CAPZA2: variants seen among roughly 807,000 people sequenced by gnomAD.
The protein encoded by CAPZA2 is capping actin protein of muscle Z-line subunit alpha 2, also known as F-actin-capping protein subunit alpha-2.
Under a neutral mutation model 44.0 loss-of-function variants are expected in CAPZA2, and 13 were observed. That is an observed-to-expected ratio of 0.30 (90% CI 0.19 to 0.47). The LOEUF (loss-of-function observed/expected upper bound fraction) is 0.47, where lower values mean the gene tolerates loss of function less well. Among genes scored for constraint, CAPZA2 ranks in the 20% least tolerant of loss-of-function variants. The probability of loss-of-function intolerance (pLI) is 1.00; values close to 1 mark genes in which losing one functional copy is unlikely to be tolerated. For synonymous variants in CAPZA2, 94 were observed against 108.2 expected, an observed-to-expected ratio of 0.87 and a Z score of 0.81; for missense variants, 244 against 338.6, an observed-to-expected ratio of 0.72 and a Z score of 2.19.
rs1266469983 is a variant in CAPZA2 at position 116,917,763 on chromosome 7, A to G, written c.757A>G (p.Thr253Ala). Residue 253 changes from threonine to alanine, a missense_variant, in exon 10 of 10, where the codon ACT becomes GCT. Transcript: ENST00000361183. ...TGAGAATTATCAGACAATGTCGGAC[A>G]CTACTTTCAAAGCCTTACGTCGACA... ...ISENYQTMSDTTFKALRRQLP... is the reference protein window; with the variant it reads ...ISENYQTMSDATFKALRRQLP... 2 of 1,607,624 alleles carry G rather than the reference A, an allele frequency of 1.2e-6. No individual in the cohort carries two copies. Among genetic ancestry groups the G allele is most frequent in the Admixed American group, 1.7e-5 (1 of 60,008 alleles).
intron 1 of CAPZA2, chr7:116,876,402 G>A (rs977697094): frequency 6.6e-6 from 1 of 152,042 alleles, no homozygotes; most frequent in African/African-American, 2.4e-5. Flanking sequence ...TTAAAACGTT[G>A]TTGTATGTCA....
At chr7:116,915,993 A>G (rs1791674203) in intron 8 of CAPZA2, 67 bp from the exon 9 acceptor site, 8 of 1,053,420 alleles carry the variant, frequency 7.6e-6, no homozygotes, top group Non-Finnish European at 1.1e-5. Context: ...TTAACCATAC[A>G]TATATTTTAA....
At chr7:116,867,066 C>T (rs980901364) in intron 1 of CAPZA2, among the ~76,000 whole-genome samples, 1 of 152,176 alleles carries the variant, frequency 6.6e-6, no homozygotes, top group African/African-American at 2.4e-5. Flanking sequence ...TAAAAGTTGT[C>T]ACTTCCATCG....
At chr7:116,884,185 A>T (rs1247100471) in intron 1 of CAPZA2, among the ~76,000 whole-genome samples, 1 of 152,174 alleles carries the variant, frequency 6.6e-6, no homozygotes, top group Non-Finnish European at 1.5e-5. Flanking sequence ...TATACTTTAC[A>T]TTTTAATAGT....
chr7:116,883,764 G>A (rs145713071), intron 1 of CAPZA2, among the ~76,000 whole-genome samples: 2 of 152,262 alleles, frequency 1.3e-5, no homozygotes, highest in Admixed American at 1.3e-4. Context: ...AAATAGAGCT[G>A]ACGAAAATTC....
At chr7:116,889,580 A>G (rs1404564801) in intron 2 of CAPZA2, among the ~76,000 whole-genome samples, 1 of 152,180 alleles carries the variant, frequency 6.6e-6, no homozygotes, top group East Asian at 1.9e-4. Context: ...AAAAAAAAAA[A>G]AGATATAATG....
At chr7:116,862,995 CGGGGCCG>C (rs1209112156) in intron 1 of CAPZA2, among the ~76,000 whole-genome samples, 12 of 152,162 alleles carry the variant, frequency 7.9e-5, no homozygotes, top group African/African-American at 2.4e-4. Context: ...GGGCCTCCGC[CGGGGCCG>C]GGGACCGGGG....
At chr7:116,884,206 G>A (rs569382240) in intron 1 of CAPZA2, among the ~76,000 whole-genome samples, 4 of 152,082 alleles carry the variant, frequency 2.6e-5, no homozygotes, top group Non-Finnish European at 2.9e-5. Context: ...ACTCTTAAAC[G>A]TTTTAGAAGC....
chr7:116,906,570 A>C, intron 6 of CAPZA2: 1 of 608,796 alleles, frequency 1.6e-6, no homozygotes, highest in Non-Finnish European at 2.5e-6. Context: ...TGGGACTAGC[A>C]AACAGCATCC....
chr7:116,886,302 A>G (rs1256398797), intron 1 of CAPZA2, among the ~76,000 whole-genome samples: 1 of 152,184 alleles, frequency 6.6e-6, no homozygotes, highest in Admixed American at 6.5e-5. Flanking sequence ...CTGCTTCTCA[A>G]GTTCAAAACT....
At chr7:116,895,868 A>G (rs746038745) in intron 3 of CAPZA2, among the ~76,000 whole-genome samples, 3 of 152,056 alleles carry the variant, frequency 2.0e-5, no homozygotes, top group Non-Finnish European at 4.4e-5. Flanking sequence ...TCTGAGCAAA[A>G]GTAGTGTTAC....
At chr7:116,916,375 C>G (rs1044015232) in intron 9 of CAPZA2, among the ~76,000 whole-genome samples, 1 of 152,210 alleles carries the variant, frequency 6.6e-6, no homozygotes, top group Non-Finnish European at 1.5e-5. Context: ...GCCTGTAATC[C>G]CAACACTGGG....
At chr7:116,876,543 T>C (rs1796625245) in intron 1 of CAPZA2, among the ~76,000 whole-genome samples, 1 of 152,126 alleles carries the variant, frequency 6.6e-6, no homozygotes, top group African/African-American at 2.4e-5. Context: ...GTTTAGACTA[T>C]ATTTGCTTTT....
chr7:116,886,473 G>A (rs1291932726), intron 1 of CAPZA2, among the ~76,000 whole-genome samples: 1 of 152,056 alleles, frequency 6.6e-6, no homozygotes. Context: ...ACATGTACAT[G>A]CACACATAAC....
At chr7:116,878,109 CTT>C (rs541184793) in intron 1 of CAPZA2, among the ~76,000 whole-genome samples, 151 of 152,266 alleles carry the variant, frequency 9.9e-4, no homozygotes, top group Middle Eastern at 3.4e-3. Context: ...TTCAAGGTAT[CTT>C]TGAGGCATTT....
intron 1 of CAPZA2, among the ~76,000 whole-genome samples, chr7:116,887,229 C>A (rs913900931): frequency 2.6e-5 from 4 of 151,920 alleles, no homozygotes; most frequent in African/African-American, 9.7e-5. Flanking sequence ...AATAAAATTC[C>A]TTATAAGAAA....
intron 2 of CAPZA2, 51 bp downstream of exon 2, chr7:116,888,241 A>G: frequency 7.9e-7 from 1 of 1,269,286 alleles, no homozygotes; most frequent in Middle Eastern, 2.0e-4. Context: ...CCCTCTTTTT[A>G]AAAGAAAACC....
At chr7:116,881,856 T>TG (rs1217209159) in intron 1 of CAPZA2, among the ~76,000 whole-genome samples, 2 of 152,138 alleles carry the variant, frequency 1.3e-5, no homozygotes, top group East Asian at 3.8e-4. Context: ...TCTCTGGTCT[T>TG]GCTTAATTTG....
intron 6 of CAPZA2, among the ~76,000 whole-genome samples, chr7:116,908,442 CAT>C (rs1330018455): frequency 6.6e-6 from 1 of 152,016 alleles, no homozygotes; most frequent in Non-Finnish European, 1.5e-5. Flanking sequence ...TGAGTGAATA[CAT>C]ATTTGTAATT....
Sources: gnomAD v4.1 joint callset for allele counts (sites outside exome capture counted in the v4.1 genomes callset) on GRCh38, gnomAD v4.1.1 for gene constraint, MANE v1.5 for transcripts, NCBI Gene and HGNC (gene_info 2026-07-23, HGNC 2026-07-21) for gene names.